TMEM132D: variants seen among roughly 807,000 people sequenced by gnomAD.
TMEM132D encodes the protein mature OL transmembrane protein.
TMEM132D carries 21 observed loss-of-function variants against 62.3 expected under a neutral mutation model. The observed-to-expected ratio is 0.34, with a 90% confidence interval of 0.24 to 0.49. The LOEUF (loss-of-function observed/expected upper bound fraction) is 0.49, where lower values mean the gene tolerates loss of function less well. TMEM132D is among the 20% of genes least tolerant of loss of function. The pLI is 0.99. For missense variants in TMEM132D, 1,346 were observed against 1,402.8 expected, an observed-to-expected ratio of 0.96 and a Z score of 0.65; for synonymous variants, 621 against 575.6, an observed-to-expected ratio of 1.08 and a Z score of -1.13.
intron 1 of TMEM132D, among the ~76,000 whole-genome samples, chr12:129,768,746 C>T (rs930455236): frequency 3.9e-5 from 6 of 152,138 alleles, no homozygotes; most frequent in African/African-American, 1.4e-4. Context: ...AACAGCCTCC[C>T]TCCAGACTTC....
chr12:129,230,279 T>C (rs1879600286), intron 4 of TMEM132D, among the ~76,000 whole-genome samples: 1 of 149,066 alleles, frequency 6.7e-6, no homozygotes, highest in Non-Finnish European at 1.5e-5. Flanking sequence ...AGCCTAGCCA[T>C]CCCCTTCCTA....
At chr12:129,789,364 A>G (rs1002107508) in intron 1 of TMEM132D, among the ~76,000 whole-genome samples, 1 of 152,066 alleles carries the variant, frequency 6.6e-6, no homozygotes, top group Non-Finnish European at 1.5e-5. Context: ...ATGGTCTTCA[A>G]CCCCACCCAG....
chr12:129,763,785 G>C (rs116316840), intron 1 of TMEM132D, among the ~76,000 whole-genome samples: 1,917 of 152,160 alleles, frequency 0.013, 41 homozygotes, highest in African/African-American at 0.044. Flanking sequence ...AGTGTGCCCA[G>C]ATGAAGCAAG....
intron 2 of TMEM132D, among the ~76,000 whole-genome samples, chr12:129,645,733 G>C (rs944050578): frequency 6.6e-6 from 1 of 152,166 alleles, no homozygotes; most frequent in Non-Finnish European, 1.5e-5. Context: ...ATGCAATAGA[G>C]AAGCCAGGCC....
chr12:129,124,716 A>T (rs1423840297), intron 5 of TMEM132D, among the ~76,000 whole-genome samples: 1 of 152,184 alleles, frequency 6.6e-6, no homozygotes, highest in East Asian at 1.9e-4. Context: ...TCACCTATTG[A>T]TGGAGAATTT....
At chr12:129,627,962 G>A (rs776226309) in intron 2 of TMEM132D, among the ~76,000 whole-genome samples, 42 of 152,304 alleles carry the variant, frequency 2.8e-4, no homozygotes, top group Non-Finnish European at 5.1e-4. Context: ...ACTCCAGCCT[G>A]CGTGACAAAG....
intron 3 of TMEM132D, among the ~76,000 whole-genome samples, chr12:129,440,601 G>A (rs1872911562): frequency 6.6e-6 from 1 of 152,170 alleles, no homozygotes. Flanking sequence ...ATTGGGTTTG[G>A]AGGTGACTTG....
intron 2 of TMEM132D, among the ~76,000 whole-genome samples, chr12:129,541,962 A>G (rs936776946): frequency 1.3e-5 from 2 of 152,230 alleles, no homozygotes; most frequent in Non-Finnish European, 2.9e-5. Context: ...AAACAAACAA[A>G]CAAAAACAAA....
rs1555244565 is a variant in TMEM132D at position 129,285,526 on chromosome 12, C to CAAAAAAAAAAAAAAAAA, written c.1299+52107_1299+52108insTTTTTTTTTTTTTTTTT. Among the ~76,000 whole-genome samples the CAAAAAAAAAAAAAAAAA allele has an allele frequency of 1.7e-3, 70 of 40,928 alleles. 17 individuals carry two copies. Among genetic ancestry groups the CAAAAAAAAAAAAAAAAA allele is most frequent in the East Asian group, 0.012 (11 of 914 alleles). 26.9% of individuals were successfully genotyped at this position (40,928 alleles called of 152,430 possible). ...TGGGTGACAGAGTGAGACTGTGTCT[C>CAAAAAAAAAAAAAAAAA]AAAAAAAAAAAAAAGAGAGAGAGAG... On this transcript the variant is annotated intron_variant, in intron 4 of 8. Transcript: ENST00000422113.
In TMEM132D at chr12:129,903,182, C is replaced by A; in HGVS notation, c.79+79G>T. The A allele has an allele frequency of 6.9e-7, 1 of 1,448,972 alleles. No homozygotes were observed. Among genetic ancestry groups the A allele is most frequent in the Non-Finnish European group, 9.5e-7 (1 of 1,057,082 alleles). 89.8% of individuals were successfully genotyped at this position (1,448,972 alleles called of 1,614,324 possible). A position where few individuals can be genotyped will look rare whatever the true frequency, so the allele number is the denominator to read the frequency against. On this transcript the variant is annotated intron_variant, in intron 1 of 8. Transcript: ENST00000422113. This position sits in a 1 kb window ranked among gnomAD's most constrained non-coding sequence, Gnocchi z 6.2. ...GCACACGAGCCCTCTCTCCCGGCCG[C>A]CCCCATCCTCCACACACTCCCACAC...
chr12:129,795,641 G>A (rs1048632551), intron 1 of TMEM132D, among the ~76,000 whole-genome samples: 19 of 152,260 alleles, frequency 1.2e-4, no homozygotes, highest in African/African-American at 4.1e-4. Flanking sequence ...GTAATGTGGG[G>A]AAAGTGTCAG....
At chr12:129,538,860 T>C (rs11060416) in intron 2 of TMEM132D, among the ~76,000 whole-genome samples, 3 of 47,328 alleles carry the variant, frequency 6.3e-5, no homozygotes, top group African/African-American at 1.8e-4. Flanking sequence ...TGGCTACTAG[T>C]GACCCCTGGC....
intron 3 of TMEM132D, among the ~76,000 whole-genome samples, chr12:129,393,712 C>T (rs1388715156): frequency 1.3e-5 from 2 of 152,194 alleles, no homozygotes; most frequent in Non-Finnish European, 2.9e-5. Flanking sequence ...AATAAATAAA[C>T]TCCAGCAAGC....
intron 5 of TMEM132D, among the ~76,000 whole-genome samples, chr12:129,174,866 T>C (rs1215742383): frequency 2.0e-5 from 3 of 152,266 alleles, no homozygotes; most frequent in South Asian, 4.1e-4. Context: ...GTCGGCTGCA[T>C]ACATGTCTTC....
At chr12:129,791,463 A>C (rs61943441) in intron 1 of TMEM132D, among the ~76,000 whole-genome samples, 12,815 of 152,260 alleles carry the variant, frequency 0.084, 570 homozygotes, top group East Asian at 0.1. Context: ...AAAACAGTAG[A>C]GAATAATACA....
At chr12:129,617,975 G>A (rs1295269061) in intron 2 of TMEM132D, among the ~76,000 whole-genome samples, 1 of 152,208 alleles carries the variant, frequency 6.6e-6, no homozygotes, top group Non-Finnish European at 1.5e-5. Context: ...GTACCTCGTA[G>A]CTCTGTGGCC....
chr12:129,173,612 A>G (rs1877801338), intron 5 of TMEM132D, among the ~76,000 whole-genome samples: 1 of 152,210 alleles, frequency 6.6e-6, no homozygotes, highest in Non-Finnish European at 1.5e-5. Flanking sequence ...TGTTTACGCC[A>G]GTGTTCAATT....
chr12:129,724,521 C>A (rs1032854715), intron 1 of TMEM132D, among the ~76,000 whole-genome samples: 3 of 151,972 alleles, frequency 2.0e-5, no homozygotes, highest in Admixed American at 6.6e-5. Flanking sequence ...TTTTTTGTTT[C>A]TGTTTTTGTT....
At chr12:129,581,535 C>T (rs1230324984) in intron 2 of TMEM132D, among the ~76,000 whole-genome samples, 1 of 152,190 alleles carries the variant, frequency 6.6e-6, no homozygotes, top group African/African-American at 2.4e-5. Context: ...TGGCAAACTA[C>T]TAGTGTAGGT....
Sources: allele counts gnomAD v4.1 joint callset (sites outside exome capture counted in the v4.1 genomes callset), GRCh38; gene constraint gnomAD v4.1.1; non-coding constraint Gnocchi (gnomAD v3.1); transcripts MANE v1.5; gene names NCBI Gene and HGNC (gene_info 2026-07-23, HGNC 2026-07-21).